SPAST: variants seen among roughly 807,000 people sequenced by gnomAD.
SPAST encodes the protein spastic paraplegia 4 (autosomal dominant; spastin).
Under a neutral mutation model 76.6 loss-of-function variants are expected in SPAST, and 30 were observed. That is an observed-to-expected ratio of 0.39 (90% CI 0.29 to 0.53). SPAST has a LOEUF of 0.53. Among genes scored for constraint, SPAST ranks in the 20% least tolerant of loss-of-function variants. The probability of loss-of-function intolerance (pLI) is 0.68; values close to 1 mark genes in which losing one functional copy is unlikely to be tolerated. For missense variants in SPAST, 717 were observed against 770.5 expected, an observed-to-expected ratio of 0.93 and a Z score of 0.82; for synonymous variants, 305 against 281.0, an observed-to-expected ratio of 1.09 and a Z score of -0.86.
intron 1 of SPAST, among the ~76,000 whole-genome samples, chr2:32,083,760 A>T (rs28523772): frequency 0.027 from 1,150 of 42,762 alleles, 70 homozygotes; most frequent in African/African-American, 0.099. Context: ...CTATATATAT[A>T]TATATATATA....
chr2:32,142,967 A>G (rs2148759046), intron 13 of SPAST, among the ~76,000 whole-genome samples: 1 of 152,188 alleles, frequency 6.6e-6, no homozygotes, highest in South Asian at 2.1e-4. Context: ...AGTGTGGTGA[A>G]TTATTGCTAT....
intron 1 of SPAST, among the ~76,000 whole-genome samples, chr2:32,087,138 T>C (rs1677514701): frequency 6.6e-6 from 1 of 152,238 alleles, no homozygotes; most frequent in Non-Finnish European, 1.5e-5. Flanking sequence ...CAATGCTTTT[T>C]GTTTCATTGT....
chr2:32,137,020 C>A, intron 11 of SPAST, 52 bp downstream of exon 11: 1 of 1,288,996 alleles, frequency 7.8e-7, no homozygotes, highest in East Asian at 2.7e-5. Flanking sequence ...GTATATTTTC[C>A]TATTAAATGG....
intron 3 of SPAST, among the ~76,000 whole-genome samples, chr2:32,091,295 ATTC>A (rs1306364565): frequency 2.4e-4 from 27 of 113,188 alleles, no homozygotes; most frequent in Non-Finnish European, 3.5e-4. Flanking sequence ...TATTATTATT[ATTC>A]GAGATGGAGT....
intron 16 of SPAST, among the ~76,000 whole-genome samples, chr2:32,151,813 G>A (rs935806754): frequency 1.3e-5 from 2 of 152,040 alleles, no homozygotes; most frequent in Admixed American, 1.3e-4. Flanking sequence ...GGGAGGCTGA[G>A]GAAGGAGAAT....
intron 9 of SPAST, among the ~76,000 whole-genome samples, chr2:32,134,284 C>CTT (rs1679463843): frequency 6.6e-6 from 1 of 152,088 alleles, no homozygotes; most frequent in Non-Finnish European, 1.5e-5. Context: ...AGGCGAATCA[C>CTT]AAGGTCAGGA....
At chr2:32,077,104 G>A (rs1676992179) in intron 1 of SPAST, among the ~76,000 whole-genome samples, 1 of 151,946 alleles carries the variant, frequency 6.6e-6, no homozygotes, top group Non-Finnish European at 1.5e-5. Context: ...TCGAACTCTT[G>A]ACCTCATGAT....
chr2:32,063,781 C>T lies in SPAST; in HGVS notation c.-51C>T. ...GTGGCTGCCGCCGTCGCTTGGTTCC[C>T]GTCGGTCTGCGGGAGGCGGGTTATG... On this transcript the variant is annotated 5_prime_UTR_variant, in exon 1 of 17. Coordinates refer to ENST00000315285, the MANE Select transcript of SPAST (RefSeq NM_014946.4). 1.9e-6 allele frequency: 3 copies of T among 1,539,624 alleles called. No homozygotes were observed. The highest frequency in any genetic ancestry group is 2.6e-6 in the Non-Finnish European group (3 of 1,150,764).
rs1162817708 is a variant in SPAST, at chr2:32,080,783, CTTTTTTTTTTTTTT to C, written c.416-6693_416-6680del. On this transcript the variant is annotated intron_variant, in intron 1 of 16. Transcript: ENST00000315285. Reference sequence around the variant, plus strand: ...AGTTCTTGTATGGTCTGGCTCAGTTCTTTTTTTTTTTTTTTTTTTTTTTTTTTTTGAGATGGAGT... The same window carrying C: ...AGTTCTTGTATGGTCTGGCTCAGTTCTTTTTTTTTTTTTTTGAGATGGAGT... Among the ~76,000 whole-genome samples, 426 of 48,454 alleles carry C rather than the reference CTTTTTTTTTTTTTT, an allele frequency of 8.8e-3. 6 individuals are homozygous for C. The highest frequency in any genetic ancestry group is 0.033 in the African/African-American group (406 of 12,338). 31.8% of individuals were successfully genotyped at this position (48,454 alleles called of 152,430 possible).
At chr2:32,143,568 T>TA (rs1679791610) in intron 14 of SPAST, among the ~76,000 whole-genome samples, 153 bp downstream of exon 14, 1 of 152,238 alleles carries the variant, frequency 6.6e-6, no homozygotes, top group South Asian at 2.1e-4. Context: ...GCCTTTTTCT[T>TA]ACCTCTTGTT....
chr2:32,099,772 T>C (rs1365119847), intron 4 of SPAST, among the ~76,000 whole-genome samples: 1 of 152,186 alleles, frequency 6.6e-6, no homozygotes. Flanking sequence ...ACTCTTTCTA[T>C]CTAGCTATAC....
intron 1 of SPAST, among the ~76,000 whole-genome samples, chr2:32,075,003 G>A (rs1022416461): frequency 6.6e-6 from 1 of 152,006 alleles, no homozygotes; most frequent in Non-Finnish European, 1.5e-5. Context: ...AAAATCAATA[G>A]TACTTTTAAG....
intron 4 of SPAST, among the ~76,000 whole-genome samples, chr2:32,113,364 C>T (rs1678688205): frequency 1.3e-5 from 2 of 151,498 alleles, no homozygotes; most frequent in South Asian, 2.1e-4. Flanking sequence ...GGATTACAGG[C>T]GTGAGCTACT....
chr2:32,067,758 CT>C (rs11285790), intron 1 of SPAST, among the ~76,000 whole-genome samples: 57,833 of 140,514 alleles, frequency 0.41, 11,750 homozygotes, highest in East Asian at 0.6. Context: ...AAGTGATCCT[CT>C]TTTTTTTTTT....
At chr2:32,124,340 A>G (rs1011965420) in intron 7 of SPAST, among the ~76,000 whole-genome samples, 1 of 152,180 alleles carries the variant, frequency 6.6e-6, no homozygotes, top group Non-Finnish European at 1.5e-5. Flanking sequence ...TCCCTATTAG[A>G]ATGGCTGAAA....
chr2:32,079,217 A>G (rs1003971884), intron 1 of SPAST, among the ~76,000 whole-genome samples: 1 of 152,146 alleles, frequency 6.6e-6, no homozygotes, highest in Non-Finnish European at 1.5e-5. Context: ...GATATCACTG[A>G]TTAGAACTGT....
chr2:32,122,367 G>A (rs1679049050), intron 7 of SPAST, among the ~76,000 whole-genome samples: 1 of 152,130 alleles, frequency 6.6e-6, no homozygotes, highest in Admixed American at 6.5e-5. Flanking sequence ...TGTTGCCCAG[G>A]CTGGAGTGCC....
At chr2:32,076,364 A>C (rs1465210373) in intron 1 of SPAST, among the ~76,000 whole-genome samples, 2 of 152,186 alleles carry the variant, frequency 1.3e-5, no homozygotes, top group Admixed American at 1.3e-4. Context: ...AAGCAAATAC[A>C]ATCTTTTTAC....
At chr2:32,110,629 ATATG>A (rs1460177923) in intron 4 of SPAST, among the ~76,000 whole-genome samples, 1 of 136,876 alleles carries the variant, frequency 7.3e-6, no homozygotes, top group African/African-American at 2.8e-5. Flanking sequence ...TATATATAGT[ATATG>A]TAGTATATAT....
Sources: gnomAD v4.1 joint callset for allele counts (sites outside exome capture counted in the v4.1 genomes callset) on GRCh38, gnomAD v4.1.1 for gene constraint, MANE v1.5 for transcripts, NCBI Gene and HGNC (gene_info 2026-07-23, HGNC 2026-07-21) for gene names.